Variants in ACOX2 observed in about 807,000 individuals in gnomAD.
ACOX2 encodes the protein peroxisomal acyl-coenzyme A oxidase 2.
A neutral mutation model predicts 77.5 loss-of-function variants in ACOX2; 59 were observed. That is an observed-to-expected ratio of 0.76 (90% confidence interval 0.62 to 0.95). The LOEUF is 0.95. Ranked by LOEUF, ACOX2 falls within the 40% of genes least tolerant of loss-of-function variation. ACOX2 has a pLI of 0.00. For missense variants in ACOX2, 837 were observed against 880.4 expected (o/e 0.95, Z 0.62); for synonymous variants, 317 against 340.1 (o/e 0.93, Z 0.75).
rs1373078991 is a variant in ACOX2, at chr3:58,515,963, T to A, written c.1850+1243A>T. Among the ~76,000 whole-genome samples, 1 of 148,476 alleles carries A rather than the reference T, an allele frequency of 6.7e-6. No individual in the cohort carries two copies. Among genetic ancestry groups the A allele is most frequent in the African/African-American group, 2.5e-5 (1 of 40,072 alleles). The stretch of plus-strand genomic sequence containing the variant: ...TTTTTGTAGAGGTGGGGTTTTGCCA[T>A]GTTGCCCAGGCTTTTTTTTTTCTTT... On this transcript the variant is annotated intron_variant, in intron 13 of 14. Coordinates refer to ENST00000302819, the MANE Select transcript of ACOX2 (RefSeq NM_003500.4). The surrounding 1 kb of genome is among the most constrained non-coding windows in gnomAD (Gnocchi z 4.0).
rs1005500229 is a variant in ACOX2 at position 58,528,262 on chromosome 3, G to C, written c.1155+532C>G. Reference sequence around the variant, plus strand: ...AGACTGAATTTTACTATATATGTAAGTCCACAATGCTTTACCTGAGACCTG... The same window carrying C: ...AGACTGAATTTTACTATATATGTAACTCCACAATGCTTTACCTGAGACCTG... On this transcript the variant is annotated intron_variant, in intron 9 of 14. Transcript: ENST00000302819. The surrounding 1 kb of genome is among the most constrained non-coding windows in gnomAD (Gnocchi z 5.6). Among the ~76,000 whole-genome samples, 1 of 152,198 alleles carries C rather than the reference G, an allele frequency of 6.6e-6. No individual in the cohort carries two copies. The highest frequency in any genetic ancestry group is 1.5e-5 in the Non-Finnish European group (1 of 68,042).
Position 58,522,453 on chromosome 3 carries a change from A to G in ACOX2, c.1632+43T>C. ...TTCCCAGCAGGGTAGCCTGCCTGGG[A>G]AGCAAAATGGATCCCTTTCAGCTTC... On this transcript the variant is annotated intron_variant, in intron 12 of 14. Coordinates refer to ENST00000302819, the MANE Select transcript of ACOX2 (RefSeq NM_003500.4). This position sits in a 1 kb window ranked among gnomAD's most constrained non-coding sequence, Gnocchi z 4.3. 1 of 1,591,338 alleles carries G rather than the reference A, an allele frequency of 6.3e-7. No homozygotes were observed. Among genetic ancestry groups the G allele is most frequent in the Admixed American group, 1.7e-5 (1 of 59,798 alleles).
At chr3:58,517,544 T>C (rs1468126262) in intron 12 of ACOX2, 121 bp from the exon 13 acceptor site, 2 of 770,002 alleles carry the variant, frequency 2.6e-6, no homozygotes, top group Non-Finnish European at 3.9e-6. Flanking sequence ...AGCAGGCTGA[T>C]GAGCAGCTGC....
chr3:58,531,832 C>T lies in ACOX2; in HGVS notation c.584-20G>A, dbSNP rs766572947. On this transcript the variant is annotated intron_variant, in intron 5 of 14. Coordinates refer to ENST00000302819, the MANE Select transcript of ACOX2 (RefSeq NM_003500.4). The surrounding 1 kb of genome is among the most constrained non-coding windows in gnomAD (Gnocchi z 5.8). ...GTCCCACTGAGGGCAGAGAGAGTAG[C>T]GGCCCGTCACAGGAAGACCTGTGCA... The T allele has an allele frequency of 4.1e-5, 66 of 1,607,432 alleles. No individual in the cohort carries two copies. Among genetic ancestry groups the T allele is most frequent in the Admixed American group, 1.0e-4 (6 of 59,040 alleles).
chr3:58,528,782 G>T lies in ACOX2; in HGVS notation c.1155+12C>A. 1.3e-6 allele frequency: 2 copies of T among 1,597,724 alleles called. No individual in the cohort carries two copies. The stretch of plus-strand genomic sequence containing the variant: ...GCCTGCCAGCGCCTGCCCCTCCGCA[G>T]ACAGCAGGTACCTCAGGCAGGAAGC... On this transcript the variant is annotated intron_variant, in intron 9 of 14. Coordinates refer to ENST00000302819, the MANE Select transcript of ACOX2 (RefSeq NM_003500.4). This position sits in a 1 kb window ranked among gnomAD's most constrained non-coding sequence, Gnocchi z 5.6.
At chr3:58,506,099 T>C (rs1303012394) in intron 14 of ACOX2, among the ~76,000 whole-genome samples, 1 of 152,210 alleles carries the variant, frequency 6.6e-6, no homozygotes, top group Non-Finnish European at 1.5e-5. Flanking sequence ...TCTGGGTTTA[T>C]GACTCTTGTT....
Position 58,534,233 on chromosome 3 carries a change from GGCACCTA to G in ACOX2, c.324-95_324-89del, listed in dbSNP as rs1307013965. The G allele has an allele frequency of 1.3e-6, 2 of 1,580,774 alleles. No individual in the cohort carries two copies. The highest frequency in any genetic ancestry group is 3.7e-5 in the Admixed American group (2 of 54,628). On this transcript the variant is annotated intron_variant, in intron 3 of 14. Coordinates refer to ENST00000302819, the MANE Select transcript of ACOX2 (RefSeq NM_003500.4). The surrounding 1 kb of genome is among the most constrained non-coding windows in gnomAD (Gnocchi z 4.8). ...CCTGAGCAGAGTACAGGAGATAAAG[GGCACCTA>G]GCATCCTGGTTTCCCAACAAGTCTT...
chr3:58,530,053 G>T (rs1479636597), intron 8 of ACOX2, among the ~76,000 whole-genome samples: 1 of 152,244 alleles, frequency 6.6e-6, no homozygotes, highest in Non-Finnish European at 1.5e-5. Context: ...GGCTCGGCCT[G>T]ACAGAATCAA....
rs1168868256 is a variant in ACOX2 at position 58,535,286 on chromosome 3, C to T, written c.-91-89G>A. The stretch of plus-strand genomic sequence containing the variant: ...ATCCCTAAGTACCTGAATGCCACTC[C>T]ACCTCCCCACTCCCCCTGTGGACAC... On this transcript the variant is annotated intron_variant, in intron 1 of 14. Transcript: ENST00000302819. The surrounding 1 kb of genome is among the most constrained non-coding windows in gnomAD (Gnocchi z 4.8). The T allele has an allele frequency of 3.0e-6, 2 of 670,354 alleles. No individual in the cohort carries two copies. Among genetic ancestry groups the T allele is most frequent in the Non-Finnish European group, 5.1e-6 (2 of 389,262 alleles). The allele number at this position is 670,354 out of a possible 1,614,324, so 41.5% of individuals were successfully genotyped here.
At chr3:58,506,600 C>T (rs1268085551) in intron 14 of ACOX2, among the ~76,000 whole-genome samples, 5 of 152,144 alleles carry the variant, frequency 3.3e-5, no homozygotes, top group Non-Finnish European at 7.4e-5. Context: ...TGAGACCAGC[C>T]TGGCCAACAT....
intron 5 of ACOX2, among the ~76,000 whole-genome samples, chr3:58,532,766 T>C (rs147125510): frequency 1.3e-5 from 2 of 152,346 alleles, no homozygotes; most frequent in Admixed American, 1.3e-4. Flanking sequence ...TCTCCTGCTT[T>C]AGTTGGGCTC....
rs190776195 is a variant in ACOX2 at position 58,524,072 on chromosome 3, T to C, written c.1526+354A>G. ...TTCAAACGTACGAGTGAGTATTGCT[T>C]TATTTATTGGTATTTGCATATCAAT... On this transcript the variant is annotated intron_variant, in intron 11 of 14. Coordinates refer to ENST00000302819, the MANE Select transcript of ACOX2 (RefSeq NM_003500.4). This position sits in a 1 kb window ranked among gnomAD's most constrained non-coding sequence, Gnocchi z 5.5. 6.6e-6 allele frequency among the ~76,000 whole-genome samples: 1 copy of C among 152,368 alleles called. No individual in the cohort carries two copies. The highest frequency in any genetic ancestry group is 2.4e-5 in the African/African-American group (1 of 41,588).
In ACOX2 at chr3:58,514,526, A is replaced by G. The variant is rs182473291; in HGVS notation, c.1850+2680T>C. 2.0e-5 allele frequency among the ~76,000 whole-genome samples: 3 copies of G among 152,292 alleles called. No individual in the cohort carries two copies. In the East Asian group the frequency reaches 5.8e-4, roughly 29 times the overall value. ...AGTTTTCATCTCAGAAATCTTAGGGAGATAGTGACTAATCAAGGCAGGGAA... is the reference window on the plus strand; with the variant it reads ...AGTTTTCATCTCAGAAATCTTAGGGGGATAGTGACTAATCAAGGCAGGGAA... On this transcript the variant is annotated intron_variant, in intron 13 of 14. Coordinates refer to ENST00000302819, the MANE Select transcript of ACOX2 (RefSeq NM_003500.4). This position sits in a 1 kb window ranked among gnomAD's most constrained non-coding sequence, Gnocchi z 4.3.
rs2063369952 is a variant in ACOX2 at position 58,522,932 on chromosome 3, A to G, written c.1527-331T>C. The G allele has an allele frequency of 3.6e-6, 1 of 279,826 alleles. No homozygotes were observed. Among genetic ancestry groups the G allele is most frequent in the African/African-American group, 2.2e-5 (1 of 46,194 alleles). 17.3% of individuals were successfully genotyped at this position (279,826 alleles called of 1,614,324 possible). Reference sequence around the variant, plus strand: ...AGGCCAGGAGCTGTCCCCTATTTCTAATGCAGATTCCAGCCTCACACCAGT... The same window carrying G: ...AGGCCAGGAGCTGTCCCCTATTTCTGATGCAGATTCCAGCCTCACACCAGT... On this transcript the variant is annotated intron_variant, in intron 11 of 14. Coordinates refer to ENST00000302819, the MANE Select transcript of ACOX2 (RefSeq NM_003500.4). This position sits in a 1 kb window ranked among gnomAD's most constrained non-coding sequence, Gnocchi z 4.3.
At chr3:58,517,631 C>A (rs1263747684) in intron 12 of ACOX2, among the ~76,000 whole-genome samples, 2 of 97,180 alleles carry the variant, frequency 2.1e-5, no homozygotes, top group African/African-American at 8.2e-5. Flanking sequence ...GGAGCGGGGA[C>A]GGGGGGGACT....
chr3:58,532,542 C>T (rs2063448599), intron 5 of ACOX2, among the ~76,000 whole-genome samples: 1 of 152,082 alleles, frequency 6.6e-6, no homozygotes, highest in East Asian at 1.9e-4. Context: ...CCCGCCACCA[C>T]ACACGACTAA....
rs2063368397 is a variant in ACOX2, at chr3:58,522,849, A to G, written c.1527-248T>C. The G allele has an allele frequency of 4.5e-6, 2 of 441,124 alleles. No individual in the cohort carries two copies. Among genetic ancestry groups the G allele is most frequent in the South Asian group, 4.9e-5 (2 of 40,872 alleles). The allele number at this position is 441,124 out of a possible 1,614,324, so 27.3% of individuals were successfully genotyped here. ...GTCCAGGGTCACACAGCTAGTAAGG[A>G]GTGGAGCCAGGATTTTGACTTGTTG... On this transcript the variant is annotated intron_variant, in intron 11 of 14. Transcript: ENST00000302819. The surrounding 1 kb of genome is among the most constrained non-coding windows in gnomAD (Gnocchi z 4.3).
chr3:58,535,035 G>C lies in ACOX2; in HGVS notation c.72C>G (p.Ser24Arg). The change falls in exon 2 of 15, where the codon AGC becomes AGG. Residue 24 changes from serine to arginine, a missense_variant. Physicochemically the swap from Ser to Arg is moderately radical, Grantham distance 110. Coordinates refer to ENST00000302819, the MANE Select transcript of ACOX2 (RefSeq NM_003500.4). This position sits in a 1 kb window ranked among gnomAD's most constrained non-coding sequence, Gnocchi z 4.8. ...CGTCAAAGGACTGCATATACCTCTC[G>C]CTCTCTATGTCGGGGTGCATTTGCC... ...WSRQMHPDIESERYMQSFDVE... is the reference protein window; with the variant it reads ...WSRQMHPDIERERYMQSFDVE... 6.2e-7 allele frequency: 1 copy of C among 1,614,166 alleles called. No homozygotes were observed. Among genetic ancestry groups the C allele is most frequent in the Non-Finnish European group, 8.5e-7 (1 of 1,180,030 alleles).
chr3:58,506,349 C>T (rs1014014879), intron 14 of ACOX2, among the ~76,000 whole-genome samples: 5 of 152,204 alleles, frequency 3.3e-5, no homozygotes, highest in African/African-American at 7.2e-5. Context: ...TAAAGCTCAA[C>T]GCTGCCCCAG....
Sources: allele counts gnomAD v4.1 joint callset (sites outside exome capture counted in the v4.1 genomes callset), GRCh38; gene constraint gnomAD v4.1.1; non-coding constraint Gnocchi (gnomAD v3.1); transcripts MANE v1.5; gene names NCBI Gene and HGNC (gene_info 2026-07-23, HGNC 2026-07-21).